SHISA6: variants seen among roughly 807,000 people sequenced by gnomAD.
SHISA6 encodes protein shisa-6.
In SHISA6, 22 loss-of-function variants were observed where a neutral mutation model predicts 47.9. The ratio of observed to expected loss-of-function variants is 0.46; its 90% CI spans 0.33 to 0.66. SHISA6 has a LOEUF of 0.66. Ranked by LOEUF, SHISA6 falls within the 30% of genes least tolerant of loss-of-function variation. The probability of loss-of-function intolerance (pLI) is 0.02; values close to 1 mark genes in which losing one functional copy is unlikely to be tolerated. For missense variants in SHISA6, 680 were observed against 764.6 expected (o/e 0.89, Z 1.30); for synonymous variants, 388 against 337.8 (o/e 1.15, Z -1.63).
chr17:11,462,276 C>G (rs1915711383), intron 3 of SHISA6, among the ~76,000 whole-genome samples: 1 of 152,126 alleles, frequency 6.6e-6, no homozygotes, highest in South Asian at 2.1e-4. Flanking sequence ...AGTCAGGATG[C>G]CATGCATTCT....
At chr17:11,377,656 G>A (rs1912850913) in intron 2 of SHISA6, among the ~76,000 whole-genome samples, 1 of 152,208 alleles carries the variant, frequency 6.6e-6, no homozygotes, top group Non-Finnish European at 1.5e-5. Context: ...TTCGGAGGAA[G>A]AATGCTGAAG....
intron 3 of SHISA6, among the ~76,000 whole-genome samples, chr17:11,496,503 G>A (rs997247103): frequency 1.3e-5 from 2 of 152,188 alleles, no homozygotes; most frequent in Non-Finnish European, 2.9e-5. Context: ...ACTTTGGGAG[G>A]CTGAGGCGGG....
At chr17:11,448,155 T>C (rs1915285565) in intron 3 of SHISA6, among the ~76,000 whole-genome samples, 2 of 152,046 alleles carry the variant, frequency 1.3e-5, no homozygotes, top group South Asian at 2.1e-4. Flanking sequence ...ATCTATGGAG[T>C]ATCTCCTAAG....
chr17:11,455,999 C>T lies in SHISA6; in HGVS notation c.895+76490C>T, dbSNP rs573022392. Among the ~76,000 whole-genome samples, 14 of 129,258 alleles carry T rather than the reference C, an allele frequency of 1.1e-4. No homozygotes were observed. In the South Asian group the frequency reaches 3.2e-3, roughly 29 times the overall value. The allele number at this position is 129,258 out of a possible 152,430, so 84.8% of individuals were successfully genotyped here. A position where few individuals can be genotyped will look rare whatever the true frequency, so the allele number is the denominator to read the frequency against. ...TATATGGAAGTCCATATTGTCTTAA[C>T]AGCACCCAGACCTGTCCTCCCAACA... is the stretch of plus-strand genomic sequence containing the variant. On this transcript the variant is annotated intron_variant, in intron 3 of 5. Coordinates refer to ENST00000441885, the MANE Select transcript of SHISA6 (RefSeq NM_207386.4).
chr17:11,486,690 G>A (rs748200443), intron 3 of SHISA6, among the ~76,000 whole-genome samples: 6 of 152,128 alleles, frequency 3.9e-5, no homozygotes, highest in East Asian at 1.9e-4. Context: ...AGAGTTTTCC[G>A]TCATCCTTCA....
At chr17:11,530,220 G>A (rs186930534) in intron 3 of SHISA6, among the ~76,000 whole-genome samples, 1 of 152,182 alleles carries the variant, frequency 6.6e-6, no homozygotes, top group Admixed American at 6.5e-5. Flanking sequence ...TAACACCATT[G>A]AAATGGAAAC....
intron 3 of SHISA6, among the ~76,000 whole-genome samples, chr17:11,400,848 T>C (rs987423608): frequency 6.6e-6 from 1 of 152,224 alleles, no homozygotes; most frequent in African/African-American, 2.4e-5. Flanking sequence ...GACTTGACTT[T>C]TCACTCACTT....
chr17:11,263,630 G>A lies in SHISA6; in HGVS notation c.799+104G>A, dbSNP rs769335630. 1.2e-4 allele frequency: 164 copies of A among 1,406,780 alleles called. 1 individual carries two copies. The highest frequency in any genetic ancestry group is 2.1e-4 in the Admixed American group (10 of 47,352). 87.1% of individuals were successfully genotyped at this position (1,406,780 alleles called of 1,614,324 possible). ...GTTGTGGACCATGATGGTGTGATGAGGGACTCTCATGGACAGGCAGGCTGG... is the reference window on the plus strand; with the variant it reads ...GTTGTGGACCATGATGGTGTGATGAAGGACTCTCATGGACAGGCAGGCTGG... On this transcript the variant is annotated intron_variant, in intron 2 of 5. Coordinates refer to ENST00000441885, the MANE Select transcript of SHISA6 (RefSeq NM_207386.4).
chr17:11,418,220 G>A (rs932315385), intron 3 of SHISA6, among the ~76,000 whole-genome samples: 1 of 151,996 alleles, frequency 6.6e-6, no homozygotes, highest in Non-Finnish European at 1.5e-5. Context: ...AAAAAATCTT[G>A]GTGTCCAAGT....
At chr17:11,283,075 G>A (rs1034627508) in intron 2 of SHISA6, among the ~76,000 whole-genome samples, 5 of 152,172 alleles carry the variant, frequency 3.3e-5, no homozygotes, top group African/African-American at 4.8e-5. Context: ...CAATCTTCAA[G>A]TTTTTCATTT....
intron 2 of SHISA6, among the ~76,000 whole-genome samples, chr17:11,308,184 G>C (rs1056930688): frequency 3.9e-5 from 6 of 152,170 alleles, no homozygotes; most frequent in Non-Finnish European, 8.8e-5. Context: ...AGTCCAGAGG[G>C]ACGAACCATC....
chr17:11,383,973 C>A (rs1293298120), intron 3 of SHISA6, among the ~76,000 whole-genome samples: 2 of 152,160 alleles, frequency 1.3e-5, no homozygotes, highest in African/African-American at 4.8e-5. Context: ...ATGAAGACTT[C>A]TATTTGCTGA....
chr17:11,274,278 G>A (rs1442057513), intron 2 of SHISA6, among the ~76,000 whole-genome samples: 1 of 152,206 alleles, frequency 6.6e-6, no homozygotes, highest in Non-Finnish European at 1.5e-5. Context: ...TACACCCAGG[G>A]AGCCAGAGGA....
At chr17:11,328,797 G>A (rs138678296) in intron 2 of SHISA6, among the ~76,000 whole-genome samples, 2 of 152,278 alleles carry the variant, frequency 1.3e-5, no homozygotes, top group East Asian at 3.9e-4. Flanking sequence ...CCAGGGAAGG[G>A]GCAAATGGAG....
intron 2 of SHISA6, among the ~76,000 whole-genome samples, chr17:11,331,015 C>T (rs374602553): frequency 5.9e-5 from 9 of 152,090 alleles, no homozygotes; most frequent in African/African-American, 1.9e-4. Flanking sequence ...GTTAGAAATG[C>T]GAGTGGATGT....
intron 2 of SHISA6, among the ~76,000 whole-genome samples, chr17:11,328,119 T>C (rs1043529943): frequency 6.6e-6 from 1 of 152,164 alleles, no homozygotes; most frequent in African/African-American, 2.4e-5. Flanking sequence ...TCTTCATCTA[T>C]CAAATGGAGA....
At chr17:11,379,036 T>C (rs1912914485) in intron 2 of SHISA6, among the ~76,000 whole-genome samples, 3 of 151,730 alleles carry the variant, frequency 2.0e-5, no homozygotes, top group Admixed American at 2.0e-4. Flanking sequence ...TTTGTTCTCC[T>C]ATACTTTCAA....
At chr17:11,337,229 A>G (rs1911353139) in intron 2 of SHISA6, among the ~76,000 whole-genome samples, 1 of 152,108 alleles carries the variant, frequency 6.6e-6, no homozygotes, top group Non-Finnish European at 1.5e-5. Flanking sequence ...GCAAAACGCA[A>G]ATGGTTGGGA....
In SHISA6 at chr17:11,560,968, G is replaced by A. The variant is rs553100770; in HGVS notation, c.*2664G>A. ...AGGGAAGAAAAAAGAAGTAGAGATA[G>A]GTCTACAGACTTGCTCCAATTCAGT... On this transcript the variant is annotated 3_prime_UTR_variant, in exon 6 of 6. Coordinates refer to ENST00000441885, the MANE Select transcript of SHISA6 (RefSeq NM_207386.4). 4 of 152,314 alleles carry A rather than the reference G, an allele frequency of 2.6e-5. No individual in the cohort carries two copies. The highest frequency in any genetic ancestry group is 4.1e-4 in the South Asian group (2 of 4,826). The allele number at this position is 152,314 out of a possible 1,614,324, so 9.4% of individuals were successfully genotyped here. A position where few individuals can be genotyped will look rare whatever the true frequency, so the allele number is the denominator to read the frequency against.
Sources: allele counts gnomAD v4.1 joint callset (sites outside exome capture counted in the v4.1 genomes callset), GRCh38; gene constraint gnomAD v4.1.1; transcripts MANE v1.5; gene names NCBI Gene and HGNC (gene_info 2026-07-23, HGNC 2026-07-21).